GSK3A: variants seen among roughly 807,000 people sequenced by gnomAD.
GSK3A encodes glycogen synthase kinase-3 alpha.
Under a neutral mutation model 56.6 loss-of-function variants are expected in GSK3A, and 14 were observed. That is an observed-to-expected ratio of 0.25 (90% CI 0.16 to 0.39). GSK3A has a LOEUF of 0.39. Ranked by LOEUF, GSK3A falls within the 10% of genes least tolerant of loss-of-function variation. GSK3A has a pLI of 1.00. For synonymous variants in GSK3A, 301 were observed against 285.0 expected (o/e 1.06, Z -0.56); for missense variants, 450 against 656.0 (o/e 0.69, Z 3.43).
intron 8 of GSK3A, 199 bp from the exon 9 acceptor site, chr19:42,232,881 C>T: frequency 3.4e-6 from 2 of 580,212 alleles, no homozygotes; most frequent in East Asian, 3.0e-5. Context: ...AGGTCTGGGA[C>T]TATATGAGCC....
At chr19:42,231,002 C>A (rs1012740034) in intron 10 of GSK3A, 135 bp from the exon 11 acceptor site, 6 of 700,108 alleles carry the variant, frequency 8.6e-6, no homozygotes, top group Non-Finnish European at 1.6e-5. Flanking sequence ...TGAAGGGTTG[C>A]AAACTCAAGT....
chr19:42,233,262 G>GGGCCCCCCCC, intron 7 of GSK3A, 24 bp downstream of exon 7: 6 of 1,077,534 alleles, frequency 5.6e-6, no homozygotes, highest in South Asian at 2.7e-5. Flanking sequence ...CCCACCCCCT[G>GGGCCCCCCCC]CCCAGCCCAG....
At chr19:42,232,995 A>T in intron 8 of GSK3A, 115 bp downstream of exon 8, 1 of 713,058 alleles carries the variant, frequency 1.4e-6, no homozygotes, top group East Asian at 2.6e-5. Flanking sequence ...TGATCCCTGG[A>T]TAACTCTTCA....
chr19:42,233,601 C>G (rs1340054040), intron 6 of GSK3A, among the ~76,000 whole-genome samples: 1 of 152,170 alleles, frequency 6.6e-6, no homozygotes, highest in African/African-American at 2.4e-5. Context: ...GCCCTCAGTT[C>G]CTCTCTCTGC....
intron 2 of GSK3A, among the ~76,000 whole-genome samples, chr19:42,238,382 TAA>T (rs55840950): frequency 5.2e-4 from 63 of 120,160 alleles, no homozygotes; most frequent in Admixed American, 8.3e-4. Context: ...GATTCTGTCT[TAA>T]AAAAAAAAAA....
chr19:42,241,961 GTTTC>G (rs2036294818), intron 1 of GSK3A: 1 of 400,658 alleles, frequency 2.5e-6, no homozygotes, highest in African/African-American at 2.1e-5. Context: ...CTTGTAACCC[GTTTC>G]TTTAAGTGTT....
At position 42,240,067 on chromosome 19, in the gene GSK3A, G is replaced by A. The variant is rs748311925; in HGVS notation, c.359C>T (p.Thr120Met). The change falls in exon 2 of 11, where the codon ACG becomes ATG. Residue 120 changes from threonine (T) to methionine (M), a missense_variant. Thr to Met is a moderately conservative substitution (Grantham distance 81, BLOSUM62 -1). Coordinates refer to ENST00000222330, the MANE Select transcript of GSK3A (RefSeq NM_019884.3). The stretch of plus-strand genomic sequence containing the variant: ...GCCATTGCCAATCACTTTGATGTCC[G>A]TGTAAGCCACTTCTTGGGAGCGCTC... ...GPERSQEVAYTDIKVIGNGSF... is the reference protein window; with the variant it reads ...GPERSQEVAYMDIKVIGNGSF... 9.3e-6 allele frequency: 15 copies of A among 1,614,038 alleles called. No individual in the cohort carries two copies. The highest frequency in any genetic ancestry group is 5.0e-5 in the Admixed American group (3 of 59,998).
chr19:42,238,606 CAAAAAAA>C (rs769150560), intron 2 of GSK3A, among the ~76,000 whole-genome samples: 4 of 33,158 alleles, frequency 1.2e-4, no homozygotes, highest in Admixed American at 2.5e-4. Context: ...GACTCCGTCT[CAAAAAAA>C]AAAAAAAAAA....
chr19:42,231,773 CA>C (rs771063456), intron 10 of GSK3A, among the ~76,000 whole-genome samples: 58 of 84,458 alleles, frequency 6.9e-4, no homozygotes, highest in Middle Eastern at 6.9e-3. Context: ...CTCTATTGCA[CA>C]AAAAAAAAAA....
At chr19:42,238,606 CAAAAAAAAAAA>C (rs769150560) in intron 2 of GSK3A, among the ~76,000 whole-genome samples, 28 of 33,158 alleles carry the variant, frequency 8.4e-4, no homozygotes, top group African/African-American at 2.3e-3. Flanking sequence ...GACTCCGTCT[CAAAAAAAAAAA>C]AAAAAAAAAA....
At position 42,233,358 on chromosome 19, in the gene GSK3A, C is replaced by A; in HGVS notation, c.930G>T (p.Leu310=). The change falls in exon 7 of 11, where the codon CTG becomes CTT. Residue 310 remains leucine (L), a synonymous_variant. Coordinates refer to ENST00000222330, the MANE Select transcript of GSK3A (RefSeq NM_019884.3). ...TGGGCTGGCCCAAGAGGAGCTCTGC[C>A]AGTACACAGCCAGCTGACCAAACAT... ...SIDVWSAGCV[L]AELLLGQPIF... The A allele has an allele frequency of 6.3e-7, 1 of 1,583,984 alleles. No individual in the cohort carries two copies. The highest frequency in any genetic ancestry group is 8.6e-7 in the Non-Finnish European group (1 of 1,163,412).
At chr19:42,241,631 G>C (rs527635963) in intron 1 of GSK3A, 5 of 152,350 alleles carry the variant, frequency 3.3e-5, no homozygotes, top group African/African-American at 1.2e-4. Flanking sequence ...AATGATGCCA[G>C]GTCTTGGTTT....
chr19:42,242,141 G>A, intron 1 of GSK3A, 42 bp downstream of exon 1: 6 of 1,305,000 alleles, frequency 4.6e-6, no homozygotes, highest in South Asian at 4.4e-5. Flanking sequence ...GGAGCTTTGG[G>A]AACCCTAATC....
intron 2 of GSK3A, among the ~76,000 whole-genome samples, chr19:42,238,115 GC>G (rs1460861323): frequency 6.6e-6 from 1 of 151,998 alleles, no homozygotes; most frequent in East Asian, 1.9e-4. Context: ...ACTTTGGGAG[GC>G]CAAGGCAGGG....
chr19:42,242,427 G>A lies in GSK3A; in HGVS notation c.39C>T (p.Gly13=). ...GGGPSGGGPG[G]SGRARTSSFA... ...ACGAGCTAGTCCGCGCCCTGCCCGA[G>A]CCCCCAGGGCCGCCTCCCGAAGGCC... The change falls in exon 1 of 11, where the codon GGC becomes GGT. Residue 13 remains glycine (G), a synonymous_variant. Coordinates refer to ENST00000222330, the MANE Select transcript of GSK3A (RefSeq NM_019884.3). 13 of 1,303,524 alleles carry A rather than the reference G, an allele frequency of 1.0e-5. No homozygotes were observed. Among genetic ancestry groups the A allele is most frequent in the Non-Finnish European group, 1.3e-5 (13 of 1,025,602 alleles). 80.7% of individuals were successfully genotyped at this position (1,303,524 alleles called of 1,614,324 possible). A position where few individuals can be genotyped will look rare whatever the true frequency, so the allele number is the denominator to read the frequency against.
chr19:42,231,113 G>A (rs2036221182), intron 10 of GSK3A, among the ~76,000 whole-genome samples: 1 of 152,014 alleles, frequency 6.6e-6, no homozygotes, highest in African/African-American at 2.4e-5. Context: ...TGTAATCCCA[G>A]CACTTTGGGA....
At position 42,236,640 on chromosome 19, in the gene GSK3A, T is replaced by G; in HGVS notation, c.632A>C (p.Lys211Thr). ...GAGGATAGGGATGGTCAACTTGGCC[T>G]TGGTGAAGTGGCGGGCCACCCGGTA... is the stretch of plus-strand genomic sequence containing the variant. ...TVYRVARHFT[K>T]AKLTIPILYV... Residue 211 changes from lysine to threonine, a missense_variant, in exon 4 of 11, where the codon AAG (lysine) becomes ACG (threonine). Lys to Thr is a moderately conservative substitution (Grantham distance 78). Transcript: ENST00000222330. The G allele has an allele frequency of 6.2e-7, 1 of 1,613,742 alleles. No individual in the cohort carries two copies. The highest frequency in any genetic ancestry group is 1.1e-5 in the South Asian group (1 of 91,072).
At chr19:42,241,960 C>G (rs1168854879) in intron 1 of GSK3A, 2 of 399,980 alleles carry the variant, frequency 5.0e-6, no homozygotes, top group Non-Finnish European at 8.7e-6. Flanking sequence ...ACTTGTAACC[C>G]GTTTCTTTAA....
intron 1 of GSK3A, 96 bp from the exon 2 acceptor site, chr19:42,240,238 G>C (rs937464267): frequency 1.2e-5 from 14 of 1,140,920 alleles, no homozygotes; most frequent in African/African-American, 1.2e-4. Context: ...TCTGCAGGAA[G>C]CTCGTTGGGG....
Sources: allele counts gnomAD v4.1 joint callset (sites outside exome capture counted in the v4.1 genomes callset), GRCh38; gene constraint gnomAD v4.1.1; transcripts MANE v1.5; gene names NCBI Gene and HGNC (gene_info 2026-07-23, HGNC 2026-07-21).